Variants in HECW1 observed in about 807,000 individuals in gnomAD.
HECW1 encodes the protein HECT, C2 and WW domain containing E3 ubiquitin protein ligase 1.
A neutral mutation model predicts 182.3 loss-of-function variants in HECW1; 61 were observed. The observed-to-expected ratio is 0.33, with a 90% CI of 0.27 to 0.41. The LOEUF is 0.41. HECW1 is among the 10% of genes least tolerant of loss of function. The pLI, the probability that HECW1 is intolerant of heterozygous loss-of-function variation, is 1.00. For synonymous variants in HECW1, 859 were observed against 832.6 expected, an observed-to-expected ratio of 1.03 and a Z score of -0.55; for missense variants, 1,739 against 2,108.9, an observed-to-expected ratio of 0.82 and a Z score of 3.44.
chr7:43,386,398 G>A (rs960721676), intron 6 of HECW1, among the ~76,000 whole-genome samples: 1 of 152,178 alleles, frequency 6.6e-6, no homozygotes, highest in African/African-American at 2.4e-5. Flanking sequence ...GGTTGAAGGT[G>A]GAGGAGGAAA....
At chr7:43,533,795 T>A (rs2081077792) in intron 24 of HECW1, among the ~76,000 whole-genome samples, 1 of 152,186 alleles carries the variant, frequency 6.6e-6, no homozygotes, top group Admixed American at 6.5e-5. Flanking sequence ...GTACACCATG[T>A]GATCAGCTCT....
chr7:43,295,951 A>AC (rs1411737024), intron 3 of HECW1, among the ~76,000 whole-genome samples: 1 of 152,230 alleles, frequency 6.6e-6, no homozygotes. Context: ...TTTGACTTAG[A>AC]TATTTTCATT....
At chr7:43,530,320 A>G (rs529440226) in intron 24 of HECW1, among the ~76,000 whole-genome samples, 1 of 152,116 alleles carries the variant, frequency 6.6e-6, no homozygotes, top group South Asian at 2.1e-4. Flanking sequence ...AAACTCTACC[A>G]TCTTAGATTC....
intron 2 of HECW1, among the ~76,000 whole-genome samples, chr7:43,231,874 T>C (rs950550259): frequency 1.3e-4 from 20 of 150,820 alleles, no homozygotes; most frequent in Non-Finnish European, 7.4e-5. Flanking sequence ...AAAAAAAAAT[T>C]AGCCAGGCGT....
intron 2 of HECW1, chr7:43,117,907 T>G (rs543696772): frequency 2.6e-4 from 40 of 152,772 alleles, no homozygotes; most frequent in African/African-American, 9.6e-4. Context: ...GAACTGATAC[T>G]TTTCCTGATT....
chr7:43,509,139 C>T lies in HECW1; in HGVS notation c.4019+18C>T, dbSNP rs143433096. The T allele has an allele frequency of 1.8e-4, 292 of 1,606,212 alleles. 2 individuals carry two copies. In the East Asian group the frequency reaches 5.6e-3, roughly 31 times the overall value. On this transcript the variant is annotated intron_variant, in intron 24 of 29. Coordinates refer to ENST00000395891, the MANE Select transcript of HECW1 (RefSeq NM_015052.5). ...CTTGAGTGGTAAGCTCTATAATGTT[C>T]ACTTTCTTGTATTTGAAAGTTCTCC... is the stretch of plus-strand genomic sequence containing the variant.
At chr7:43,558,386 G>T (rs1299545830) in intron 29 of HECW1, among the ~76,000 whole-genome samples, 1 of 152,210 alleles carries the variant, frequency 6.6e-6, no homozygotes, top group Non-Finnish European at 1.5e-5. Context: ...TTTCACTGCA[G>T]ATGTAAACTA....
At chr7:43,526,767 AAGGCAGGAAGATTGCTTGAGTCC>A (rs1232470478) in intron 24 of HECW1, among the ~76,000 whole-genome samples, 2 of 152,202 alleles carry the variant, frequency 1.3e-5, no homozygotes, top group Non-Finnish European at 2.9e-5. Context: ...TTGGGAGGCC[AAGGCAGGAAGATTGCTTGAGTCC>A]AGGAGTTTGA....
At chr7:43,402,808 A>G (rs569269530) in intron 7 of HECW1, among the ~76,000 whole-genome samples, 1 of 152,370 alleles carries the variant, frequency 6.6e-6, no homozygotes, top group African/African-American at 2.4e-5. Flanking sequence ...TGTCAAGTCT[A>G]TTTATACTTC....
In HECW1 at chr7:43,113,674, G is replaced by C. The variant is rs370016372; in HGVS notation, c.-266-483G>C. On this transcript the variant is annotated intron_variant, in intron 1 of 29. Transcript: ENST00000395891. ...GGAGGGAGCTGCCGGGGCGGGGAGG[G>C]GGGGGGAATGCGTCCGGTCCATTTT... 3.8e-3 allele frequency: 751 copies of C among 197,106 alleles called. 2 individuals are homozygous for C. The highest frequency in any genetic ancestry group is 0.014 in the Middle Eastern group (8 of 584). 12.2% of individuals were successfully genotyped at this position (197,106 alleles called of 1,614,324 possible). A position where few individuals can be genotyped will look rare whatever the true frequency, so the allele number is the denominator to read the frequency against.
At chr7:43,114,435 TC>T (rs1784884232) in intron 2 of HECW1, 44 bp downstream of exon 2, 1 of 1,324,534 alleles carries the variant, frequency 7.5e-7, no homozygotes, top group African/African-American at 1.5e-5. Flanking sequence ...ATGTGTGTTT[TC>T]CACTAAGAAG....
At chr7:43,137,132 C>T (rs768108899) in intron 2 of HECW1, among the ~76,000 whole-genome samples, 13 of 152,216 alleles carry the variant, frequency 8.5e-5, no homozygotes, top group Non-Finnish European at 1.8e-4. Context: ...TCCATTCTCA[C>T]TGCTGTCACA....
chr7:43,493,550 A>G (rs576505512), intron 19 of HECW1, among the ~76,000 whole-genome samples: 20 of 152,222 alleles, frequency 1.3e-4, no homozygotes, highest in African/African-American at 4.6e-4. Flanking sequence ...AATATTGAGC[A>G]GCCGTGTTCG....
At chr7:43,468,497 C>T (rs1217478100) in intron 15 of HECW1, among the ~76,000 whole-genome samples, 1 of 151,354 alleles carries the variant, frequency 6.6e-6, no homozygotes, top group East Asian at 1.9e-4. Context: ...CCATGTGGGC[C>T]AAGGGGGCAT....
intron 3 of HECW1, among the ~76,000 whole-genome samples, chr7:43,259,159 G>T (rs765064861): frequency 1.3e-5 from 2 of 152,172 alleles, no homozygotes; most frequent in Non-Finnish European, 2.9e-5. Flanking sequence ...GGCAGAGGAG[G>T]GGGGATCACC....
chr7:43,351,934 T>A (rs2152806757), intron 5 of HECW1, among the ~76,000 whole-genome samples: 1 of 152,332 alleles, frequency 6.6e-6, no homozygotes. Context: ...CCGTTTATTA[T>A]TCAGAGTCCC....
At chr7:43,443,615 C>T (rs748738228) in intron 10 of HECW1, among the ~76,000 whole-genome samples, 2 of 152,132 alleles carry the variant, frequency 1.3e-5, no homozygotes. Flanking sequence ...GATGCTACCT[C>T]GTGAATGGCT....
chr7:43,123,437 AT>A (rs1297252692), intron 2 of HECW1, among the ~76,000 whole-genome samples: 1 of 152,176 alleles, frequency 6.6e-6, no homozygotes, highest in Non-Finnish European at 1.5e-5. Context: ...CTGTAGGAAC[AT>A]GCTCTCCTGT....
intron 8 of HECW1, among the ~76,000 whole-genome samples, chr7:43,436,341 G>A (rs975387916): frequency 3.3e-5 from 5 of 152,072 alleles, no homozygotes; most frequent in African/African-American, 1.2e-4. Context: ...TTACCTTCCC[G>A]AGTCTCCTTT....
Sources: allele counts gnomAD v4.1 joint callset (sites outside exome capture counted in the v4.1 genomes callset), GRCh38; gene constraint gnomAD v4.1.1; transcripts MANE v1.5; gene names NCBI Gene and HGNC (gene_info 2026-07-23, HGNC 2026-07-21).